AUTS2: variants seen among roughly 807,000 people sequenced by gnomAD.
The protein encoded by AUTS2 is activator of transcription and developmental regulator AUTS2, also known as autism susceptibility gene 2 protein.
AUTS2 carries 17 observed loss-of-function variants against 112.4 expected under a neutral mutation model. The observed-to-expected ratio is 0.15, with a 90% CI of 0.10 to 0.23. The LOEUF is 0.23. AUTS2 is among the 10% of genes least tolerant of loss of function. The pLI is 1.00. For synonymous variants in AUTS2, 751 were observed against 702.7 expected, an observed-to-expected ratio of 1.07 and a Z score of -1.09; for missense variants, 1,510 against 1,701.6, an observed-to-expected ratio of 0.89 and a Z score of 1.98.
intron 4 of AUTS2, among the ~76,000 whole-genome samples, chr7:70,227,856 C>G (rs1246602321): frequency 6.6e-6 from 1 of 152,050 alleles, no homozygotes; most frequent in African/African-American, 2.4e-5. Flanking sequence ...AGCATATGAT[C>G]TATTTTGATG....
intron 4 of AUTS2, among the ~76,000 whole-genome samples, chr7:70,266,113 A>G (rs1245490406): frequency 6.6e-6 from 1 of 152,242 alleles, no homozygotes; most frequent in African/African-American, 2.4e-5. Flanking sequence ...ACCATCATTC[A>G]TAATAGCTAA....
intron 1 of AUTS2, among the ~76,000 whole-genome samples, chr7:69,880,600 C>G (rs1794002991): frequency 6.6e-6 from 1 of 152,150 alleles, no homozygotes. Flanking sequence ...CTTGCCTTTC[C>G]TTGCAAATAT....
At chr7:69,745,415 T>C (rs541503479) in intron 1 of AUTS2, among the ~76,000 whole-genome samples, 8 of 152,350 alleles carry the variant, frequency 5.3e-5, no homozygotes, top group Admixed American at 5.2e-4. Context: ...TCATTTTATG[T>C]TATCAGAGCC....
intron 4 of AUTS2, chr7:70,194,641 ACG>A (rs1213056333): frequency 6.6e-6 from 1 of 152,164 alleles, no homozygotes; most frequent in Non-Finnish European, 1.5e-5. Flanking sequence ...AGAGCTTATT[ACG>A]TGTTTGCTAT....
intron 2 of AUTS2, among the ~76,000 whole-genome samples, chr7:70,095,932 G>A (rs757404576): frequency 9.5e-4 from 145 of 152,120 alleles, no homozygotes; most frequent in Non-Finnish European, 1.6e-3. Flanking sequence ...AGAACAGCAA[G>A]GTAGCATTCA....
intron 1 of AUTS2, among the ~76,000 whole-genome samples, chr7:69,883,469 C>T (rs1227730926): frequency 6.6e-6 from 1 of 152,110 alleles, no homozygotes; most frequent in Non-Finnish European, 1.5e-5. Flanking sequence ...GTAGTACCAG[C>T]GTCAGCATCT....
At chr7:70,064,283 G>A (rs1271808993) in intron 2 of AUTS2, among the ~76,000 whole-genome samples, 1 of 152,142 alleles carries the variant, frequency 6.6e-6, no homozygotes, top group African/African-American at 2.4e-5. Flanking sequence ...TGTGTACTGT[G>A]ACCCGACTAG....
chr7:69,865,448 G>C (rs1483794143), intron 1 of AUTS2, among the ~76,000 whole-genome samples: 1 of 152,226 alleles, frequency 6.6e-6, no homozygotes, highest in East Asian at 1.9e-4. Context: ...CTCAGTATCA[G>C]GTGGCATCCA....
intron 4 of AUTS2, among the ~76,000 whole-genome samples, chr7:70,177,737 T>G (rs998346882): frequency 6.6e-6 from 1 of 152,136 alleles, no homozygotes; most frequent in Non-Finnish European, 1.5e-5. Context: ...TGTAAGTGAT[T>G]TAAGCTTTCT....
chr7:70,760,172 A>AT (rs1386043247), intron 6 of AUTS2, among the ~76,000 whole-genome samples: 2 of 151,968 alleles, frequency 1.3e-5, no homozygotes, highest in South Asian at 2.1e-4. Context: ...CGCCCGGCTA[A>AT]TTTTTTGTGT....
intron 4 of AUTS2, among the ~76,000 whole-genome samples, chr7:70,375,502 C>CAAG: frequency 1.3e-5 from 2 of 152,246 alleles, no homozygotes; most frequent in South Asian, 2.1e-4. Flanking sequence ...GTATGGAATG[C>CAAG]AAGAGAAGGT....
At chr7:70,558,971 G>A (rs1248795050) in intron 5 of AUTS2, among the ~76,000 whole-genome samples, 1 of 152,162 alleles carries the variant, frequency 6.6e-6, no homozygotes. Flanking sequence ...ACCTTGAATC[G>A]CACCTTGAAT....
chr7:70,050,406 G>C (rs898533163), intron 2 of AUTS2, among the ~76,000 whole-genome samples: 8 of 150,222 alleles, frequency 5.3e-5, no homozygotes, highest in Non-Finnish European at 8.9e-5. Flanking sequence ...AATGGTCAAG[G>C]TTTTTAAGTA....
At chr7:70,492,640 A>G (rs1314582596) in intron 5 of AUTS2, among the ~76,000 whole-genome samples, 1 of 152,194 alleles carries the variant, frequency 6.6e-6, no homozygotes, top group Non-Finnish European at 1.5e-5. Flanking sequence ...CTAGAGACAA[A>G]GCGGAGACCA....
At chr7:70,576,770 TTAA>T (rs10578765) in intron 5 of AUTS2, among the ~76,000 whole-genome samples, 58,773 of 151,904 alleles carry the variant, frequency 0.39, 12,109 homozygotes, top group East Asian at 0.67. Context: ...TCGTAATATA[TTAA>T]TAGACGCCAC....
chr7:70,456,708 C>G (rs950663556), intron 5 of AUTS2, among the ~76,000 whole-genome samples: 1 of 152,234 alleles, frequency 6.6e-6, no homozygotes, highest in Non-Finnish European at 1.5e-5. Flanking sequence ...CCTGGCTCCA[C>G]TCACTGTGGC....
intron 5 of AUTS2, among the ~76,000 whole-genome samples, chr7:70,496,947 C>A (rs1276006660): frequency 7.3e-6 from 1 of 137,322 alleles, no homozygotes; most frequent in Non-Finnish European, 1.6e-5. Context: ...CACGCACACC[C>A]CACACATGCA....
chr7:69,647,923 G>A (rs780792752), intron 1 of AUTS2, among the ~76,000 whole-genome samples: 2 of 152,036 alleles, frequency 1.3e-5, no homozygotes, highest in East Asian at 1.9e-4. Context: ...TGCCTTTGTT[G>A]TCTCTTAGTG....
intron 6 of AUTS2, among the ~76,000 whole-genome samples, chr7:70,738,553 G>A (rs1381625713): frequency 1.3e-5 from 2 of 152,050 alleles, no homozygotes; most frequent in African/African-American, 4.8e-5. Context: ...TACGTGGTGG[G>A]CATGAAGAGA....
Sources: allele counts gnomAD v4.1 joint callset (sites outside exome capture counted in the v4.1 genomes callset), GRCh38; gene constraint gnomAD v4.1.1; transcripts MANE v1.5; gene names NCBI Gene and HGNC (gene_info 2026-07-23, HGNC 2026-07-21).